The following RAB31 variants were observed in gnomAD, a reference collection of about 807,000 sequenced individuals.
RAB31 encodes ras-related protein Rab-31.
A neutral mutation model predicts 25.6 loss-of-function variants in RAB31; 21 were observed. That is an observed-to-expected ratio of 0.82 (90% CI 0.58 to 1.18). RAB31 has a LOEUF of 1.18. Among genes scored for constraint, RAB31 ranks in the 50% most tolerant of loss-of-function variants. RAB31 has a pLI of 0.00. For missense variants in RAB31, 196 were observed against 250.1 expected (o/e 0.78, Z 1.46); for synonymous variants, 87 against 84.0 (o/e 1.04, Z -0.20).
chr18:9,858,373 A>G (rs1295590358), intron 6 of RAB31, among the ~76,000 whole-genome samples: 1 of 152,190 alleles, frequency 6.6e-6, no homozygotes, highest in East Asian at 1.9e-4. Context: ...TTTTTTCAGA[A>G]AACAACTTTA....
At chr18:9,747,146 A>G (rs1394366729) in intron 1 of RAB31, among the ~76,000 whole-genome samples, 1 of 152,262 alleles carries the variant, frequency 6.6e-6, no homozygotes, top group African/African-American at 2.4e-5. Flanking sequence ...ATGGCCAAGA[A>G]GCACATAAAA....
intron 1 of RAB31, among the ~76,000 whole-genome samples, chr18:9,754,726 C>T (rs1023037016): frequency 1.3e-5 from 2 of 152,104 alleles, no homozygotes; most frequent in Non-Finnish European, 2.9e-5. Context: ...AATACTATAA[C>T]ATTTTATATC....
At chr18:9,772,809 C>G (rs1214035664) in intron 1 of RAB31, among the ~76,000 whole-genome samples, 1 of 152,092 alleles carries the variant, frequency 6.6e-6, no homozygotes, top group Non-Finnish European at 1.5e-5. Flanking sequence ...CAGGCTGTCA[C>G]AGTTCCTCAG....
intron 5 of RAB31, among the ~76,000 whole-genome samples, chr18:9,838,607 C>T (rs575497117): frequency 3.9e-4 from 59 of 152,298 alleles, no homozygotes; most frequent in Admixed American, 3.3e-3. Context: ...GCCATGTTGC[C>T]AGGTTACTTC....
chr18:9,770,363 G>A (rs942836729), intron 1 of RAB31, among the ~76,000 whole-genome samples: 6 of 152,226 alleles, frequency 3.9e-5, no homozygotes, highest in Non-Finnish European at 5.9e-5. Flanking sequence ...AAGTGTTAGT[G>A]CTTGGTTTTC....
At chr18:9,852,744 T>C (rs539257235) in intron 6 of RAB31, among the ~76,000 whole-genome samples, 27 of 152,366 alleles carry the variant, frequency 1.8e-4, no homozygotes, top group African/African-American at 5.8e-4. Flanking sequence ...GTGTAAATAC[T>C]ATGGATTGGA....
chr18:9,859,433 G>C lies in RAB31; in HGVS notation c.*108G>C, dbSNP rs549278386. 7 of 928,782 alleles carry C rather than the reference G, an allele frequency of 7.5e-6. No individual in the cohort carries two copies. The African/African-American group carries it at 1.2e-4, about 15-fold the overall frequency. The allele number at this position is 928,782 out of a possible 1,614,324, so 57.5% of individuals were successfully genotyped here. On this transcript the variant is annotated 3_prime_UTR_variant, in exon 7 of 7. Coordinates refer to ENST00000578921, the MANE Select transcript of RAB31 (RefSeq NM_006868.4). ...TGGCACCTCACTTTGAGAAGAGTGA[G>C]CACACTGGCTTTGCATCCTGGAAGA...
At chr18:9,802,121 A>C (rs2068516797) in intron 3 of RAB31, among the ~76,000 whole-genome samples, 1 of 152,136 alleles carries the variant, frequency 6.6e-6, no homozygotes, top group Admixed American at 6.5e-5. Context: ...GAGTTCTCCA[A>C]CTTCGTTCTT....
chr18:9,787,025 T>C (rs1017619015), intron 2 of RAB31: 19 of 183,110 alleles, frequency 1.0e-4, no homozygotes, highest in African/African-American at 4.5e-4. Flanking sequence ...AACAAGCCTA[T>C]TAAAAATCAG....
chr18:9,713,307 G>C (rs1367688990), intron 1 of RAB31, among the ~76,000 whole-genome samples: 1 of 152,178 alleles, frequency 6.6e-6, no homozygotes, highest in Non-Finnish European at 1.5e-5. Context: ...TCTTGGGGAA[G>C]GGGGATGGTG....
intron 2 of RAB31, among the ~76,000 whole-genome samples, chr18:9,791,027 C>G (rs951746623): frequency 6.6e-6 from 1 of 152,140 alleles, no homozygotes; most frequent in East Asian, 1.9e-4. Context: ...TCTACTGAGG[C>G]TTTAAAATCC....
At chr18:9,767,721 T>A (rs2068323314) in intron 1 of RAB31, among the ~76,000 whole-genome samples, 2 of 152,182 alleles carry the variant, frequency 1.3e-5, no homozygotes, top group East Asian at 1.9e-4. Flanking sequence ...AATTATTATT[T>A]TTATTATTAT....
chr18:9,860,419 G>C lies in RAB31; in HGVS notation c.*1094G>C, dbSNP rs1191485969. 1 of 152,160 alleles carries C rather than the reference G, an allele frequency of 6.6e-6. No individual in the cohort carries two copies. The highest frequency in any genetic ancestry group is 1.5e-5 in the Non-Finnish European group (1 of 68,030). 9.4% of individuals were successfully genotyped at this position (152,160 alleles called of 1,614,324 possible). On this transcript the variant is annotated 3_prime_UTR_variant, in exon 7 of 7. Coordinates refer to ENST00000578921, the MANE Select transcript of RAB31 (RefSeq NM_006868.4). ...AGAAGGGCTTTAGGGCTAACCAGAG[G>C]TCTGACCCTAGAATGCCAAGGAACT...
At chr18:9,839,231 CCTGA>C in intron 5 of RAB31, among the ~76,000 whole-genome samples, 1 of 152,232 alleles carries the variant, frequency 6.6e-6, no homozygotes, top group East Asian at 1.9e-4. Flanking sequence ...GATGTTGCCA[CCTGA>C]ACAGGGAGAA....
chr18:9,824,257 AGT>A (rs200473437), intron 5 of RAB31, among the ~76,000 whole-genome samples: 2,074 of 146,482 alleles, frequency 0.014, 55 homozygotes, highest in African/African-American at 0.05. Flanking sequence ...TGTGTGTATG[AGT>A]GTGTGTGTAG....
At chr18:9,742,313 T>C (rs2068183837) in intron 1 of RAB31, among the ~76,000 whole-genome samples, 2 of 151,784 alleles carry the variant, frequency 1.3e-5, no homozygotes, top group African/African-American at 2.4e-5. Flanking sequence ...TACTGAAGAG[T>C]GGATGGGCCT....
rs1241202590 is a variant in RAB31 at position 9,862,084 on chromosome 18, T to C, written c.*2759T>C. On this transcript the variant is annotated 3_prime_UTR_variant, in exon 7 of 7. Transcript: ENST00000578921. The stretch of plus-strand genomic sequence containing the variant: ...TGTGCCCCAATGGAAACTGAGTTCA[T>C]TTTCTGAGAAAGGTTTGGATGACTG... The C allele has an allele frequency of 2.6e-5, 4 of 152,680 alleles. No homozygotes were observed. The highest frequency in any genetic ancestry group is 4.4e-5 in the Non-Finnish European group (3 of 68,056). The allele number at this position is 152,680 out of a possible 1,614,324, so 9.5% of individuals were successfully genotyped here.
chr18:9,774,999 T>C, intron 1 of RAB31: 1 of 555,592 alleles, frequency 1.8e-6, no homozygotes, highest in Non-Finnish European at 3.4e-6. Flanking sequence ...AATACATCCA[T>C]AGTGAACATG....
intron 5 of RAB31, among the ~76,000 whole-genome samples, chr18:9,826,696 T>C (rs2068651619): frequency 6.6e-6 from 1 of 152,234 alleles, no homozygotes; most frequent in Non-Finnish European, 1.5e-5. Context: ...TAATGTATGA[T>C]CCCTCTTCTG....
Sources: allele counts gnomAD v4.1 joint callset (sites outside exome capture counted in the v4.1 genomes callset), GRCh38; gene constraint gnomAD v4.1.1; transcripts MANE v1.5; gene names NCBI Gene and HGNC (gene_info 2026-07-23, HGNC 2026-07-21).